LPP: variants seen among roughly 807,000 people sequenced by gnomAD.
LPP encodes LIM domain containing preferred translocation partner in lipoma, also known as lipoma-preferred partner.
In LPP, 38 loss-of-function variants were observed where a neutral mutation model predicts 60.4. The observed-to-expected ratio is 0.63, with a 90% CI of 0.49 to 0.83. The LOEUF is 0.83. Ranked by LOEUF, LPP falls within the 40% of genes least tolerant of loss-of-function variation. LPP has a pLI of 0.00. For missense variants in LPP, 902 were observed against 783.6 expected (o/e 1.15, Z -1.80); for synonymous variants, 328 against 290.8 (o/e 1.13, Z -1.30).
chr3:188,655,165 T>C lies in LPP; in HGVS notation c.1113+45321T>C, dbSNP rs1168971335. On this transcript the variant is annotated intron_variant, in intron 7 of 11. Transcript: ENST00000617246. ...ACAGGGCAGGATATTCTCTCTTCCTTTAGCCTTAACTGATCTGCTTCCATG... is the reference window on the plus strand; with the variant it reads ...ACAGGGCAGGATATTCTCTCTTCCTCTAGCCTTAACTGATCTGCTTCCATG... Among the ~76,000 whole-genome samples the C allele has an allele frequency of 2.6e-5, 4 of 152,204 alleles. No homozygotes were observed. In the East Asian group the frequency reaches 7.7e-4, roughly 29 times the overall value.
chr3:188,180,393 G>C (rs1028510819), intron 1 of LPP: 4 of 154,574 alleles, frequency 2.6e-5, no homozygotes, highest in African/African-American at 9.6e-5. Flanking sequence ...TGCAGCCTCT[G>C]TGTCTTAGCA....
intron 7 of LPP, among the ~76,000 whole-genome samples, chr3:188,639,700 G>C (rs1849638731): frequency 6.6e-6 from 1 of 151,570 alleles, no homozygotes; most frequent in Non-Finnish European, 1.5e-5. Flanking sequence ...TCAAAAAGTG[G>C]GCGAAGGACA....
In LPP at chr3:188,217,051, G is replaced by A. The variant is rs1713915569; in HGVS notation, c.-189-8354G>A. Among the ~76,000 whole-genome samples, 1 of 152,188 alleles carries A rather than the reference G, an allele frequency of 6.6e-6. No homozygotes were observed. The highest frequency in any genetic ancestry group is 2.4e-5 in the African/African-American group (1 of 41,446). ...CAAAGAGTAAGACACACACAACAAC[G>A]ATCTCTTGGTGCTTACACGCTGCTG... is the stretch of plus-strand genomic sequence containing the variant. On this transcript the variant is annotated intron_variant, in intron 1 of 11. Coordinates refer to ENST00000617246, the MANE Select transcript of LPP (RefSeq NM_001375462.1). The surrounding 1 kb of genome is among the most constrained non-coding windows in gnomAD (Gnocchi z 4.0).
intron 5 of LPP, among the ~76,000 whole-genome samples, chr3:188,516,078 T>C (rs578100852): frequency 4.4e-4 from 67 of 152,304 alleles, no homozygotes; most frequent in Non-Finnish European, 8.7e-4. Flanking sequence ...ATTGGTGTCA[T>C]GGAAAATTAG....
intron 5 of LPP, among the ~76,000 whole-genome samples, chr3:188,493,148 A>G (rs1452974844): frequency 6.6e-6 from 1 of 152,142 alleles, no homozygotes; most frequent in African/African-American, 2.4e-5. Context: ...TATATCTAAA[A>G]TGAGTTGTTA....
At chr3:188,849,882 C>A (rs538960147) in intron 9 of LPP, among the ~76,000 whole-genome samples, 1 of 152,180 alleles carries the variant, frequency 6.6e-6, no homozygotes, top group Non-Finnish European at 1.5e-5. Flanking sequence ...CTGAAGACAA[C>A]GTATGTTTCT....
At chr3:188,870,798 C>T (rs928909921) in intron 10 of LPP, among the ~76,000 whole-genome samples, 4 of 152,168 alleles carry the variant, frequency 2.6e-5, no homozygotes, top group Non-Finnish European at 4.4e-5. Context: ...CCTGCCTCTT[C>T]GCTTTGGTTT....
chr3:188,677,088 C>T (rs1232373664), intron 7 of LPP, among the ~76,000 whole-genome samples: 1 of 152,080 alleles, frequency 6.6e-6, no homozygotes, highest in African/African-American at 2.4e-5. Flanking sequence ...GAAAGCAGAT[C>T]CTTCCCCAGT....
intron 6 of LPP, among the ~76,000 whole-genome samples, chr3:188,586,427 T>A (rs567964613): frequency 6.6e-6 from 1 of 152,310 alleles, no homozygotes; most frequent in South Asian, 2.1e-4. Context: ...ATAGGCCTCA[T>A]TAGTCCACTG....
intron 9 of LPP, among the ~76,000 whole-genome samples, chr3:188,788,432 A>C (rs1487877742): frequency 1.3e-5 from 2 of 152,208 alleles, no homozygotes; most frequent in East Asian, 3.8e-4. Flanking sequence ...CTCCATTTAG[A>C]CATCACTTTT....
At chr3:188,639,987 A>G (rs1450515652) in intron 7 of LPP, among the ~76,000 whole-genome samples, 1 of 152,172 alleles carries the variant, frequency 6.6e-6, no homozygotes, top group African/African-American at 2.4e-5. Context: ...AGAACTAGAA[A>G]TACCATTTGA....
At chr3:188,752,071 T>G (rs1728257371) in intron 8 of LPP, among the ~76,000 whole-genome samples, 1 of 152,240 alleles carries the variant, frequency 6.6e-6, no homozygotes, top group South Asian at 2.1e-4. Flanking sequence ...ATTTTGAAGT[T>G]GAACTATATA....
intron 5 of LPP, among the ~76,000 whole-genome samples, chr3:188,518,906 T>C (rs1056619138): frequency 6.6e-6 from 1 of 151,814 alleles, no homozygotes; most frequent in African/African-American, 2.4e-5. Context: ...TTTTTTTTCA[T>C]AGCACAGGAC....
chr3:188,407,786 T>C (rs1783951482), intron 4 of LPP, among the ~76,000 whole-genome samples: 1 of 103,392 alleles, frequency 9.7e-6, no homozygotes, highest in African/African-American at 3.8e-5. Flanking sequence ...TTTTGTTTGT[T>C]TGTTTTTTTT....
intron 3 of LPP, among the ~76,000 whole-genome samples, chr3:188,354,391 G>A (rs149560603): frequency 7.2e-5 from 11 of 152,194 alleles, no homozygotes; most frequent in African/African-American, 2.2e-4. Flanking sequence ...AGTTGAATAC[G>A]TAAGACAGAG....
At chr3:188,343,013 T>C (rs1763448779) in intron 3 of LPP, among the ~76,000 whole-genome samples, 1 of 152,194 alleles carries the variant, frequency 6.6e-6, no homozygotes, top group Admixed American at 6.5e-5. Context: ...TATTTATTTA[T>C]TTACTTATTA....
chr3:188,603,883 G>T (rs1580322924), intron 6 of LPP, among the ~76,000 whole-genome samples: 3 of 151,950 alleles, frequency 2.0e-5, no homozygotes, highest in Admixed American at 1.3e-4. Flanking sequence ...ATTCTCTATG[G>T]CCTCAATTGT....
At chr3:188,675,164 A>C (rs551847664) in intron 7 of LPP, among the ~76,000 whole-genome samples, 94 of 152,316 alleles carry the variant, frequency 6.2e-4, no homozygotes, top group African/African-American at 2.2e-3. Context: ...GAGGAATTGA[A>C]CGATTACATA....
At chr3:188,699,932 C>G (rs1168477003) in intron 7 of LPP, among the ~76,000 whole-genome samples, 1 of 152,020 alleles carries the variant, frequency 6.6e-6, no homozygotes, top group Admixed American at 6.6e-5. Context: ...CTTGACACAG[C>G]TAAATAGAAG....
Sources: allele counts gnomAD v4.1 joint callset (sites outside exome capture counted in the v4.1 genomes callset), GRCh38; gene constraint gnomAD v4.1.1; non-coding constraint Gnocchi (gnomAD v3.1); transcripts MANE v1.5; gene names NCBI Gene and HGNC (gene_info 2026-07-23, HGNC 2026-07-21).